Variants in ZNRF3 observed in about 807,000 individuals in gnomAD.
ZNRF3 encodes the protein zinc and ring finger 3.
In ZNRF3, 23 loss-of-function variants were observed where a neutral mutation model predicts 72.5. The observed-to-expected ratio is 0.32, with a 90% CI of 0.23 to 0.45. The LOEUF (loss-of-function observed/expected upper bound fraction) is 0.45. ZNRF3 is among the 20% of genes least tolerant of loss of function. The probability of loss-of-function intolerance (pLI) is 1.00; values close to 1 mark genes in which losing one functional copy is unlikely to be tolerated. For synonymous variants in ZNRF3, 610 were observed against 545.3 expected (o/e 1.12, Z -1.65); for missense variants, 1,169 against 1,272.1 (o/e 0.92, Z 1.23).
intron 3 of ZNRF3, 108 bp downstream of exon 3, chr22:29,042,677 C>G: frequency 1.0e-6 from 1 of 999,518 alleles, no homozygotes; most frequent in Non-Finnish European, 1.5e-6. Context: ...AGCATTTGCT[C>G]TTGTCTTCTG....
chr22:28,986,560 CTTT>C (rs2123827591), intron 1 of ZNRF3: 1 of 965,476 alleles, frequency 1.0e-6, no homozygotes, highest in South Asian at 4.8e-5. Context: ...CAGGGGTAGC[CTTT>C]AAACAGCCTG....
intron 2 of ZNRF3, among the ~76,000 whole-genome samples, chr22:28,995,791 T>C (rs908988476): frequency 2.0e-5 from 3 of 151,664 alleles, no homozygotes; most frequent in African/African-American, 4.8e-5. Flanking sequence ...TTTTTTTTTT[T>C]CCAAGACAGG....
chr22:28,904,091 AAAAATGCATTT>A (rs1252386517), intron 1 of ZNRF3, among the ~76,000 whole-genome samples: 1 of 152,176 alleles, frequency 6.6e-6, no homozygotes. Flanking sequence ...ACTGGAAAAA[AAAAATGCATTT>A]AAATAAGCAA....
At chr22:28,926,353 AT>A (rs929705602) in intron 1 of ZNRF3, among the ~76,000 whole-genome samples, 1 of 152,094 alleles carries the variant, frequency 6.6e-6, no homozygotes, top group East Asian at 1.9e-4. Context: ...TGATTGATTG[AT>A]TTTTTTAAAG....
intron 5 of ZNRF3, 48 bp from the exon 6 acceptor site, chr22:29,046,668 A>G: frequency 1.3e-6 from 2 of 1,483,290 alleles, no homozygotes; most frequent in Non-Finnish European, 1.8e-6. Flanking sequence ...GGTGACTGCC[A>G]CTTTCATACG....
rs940878247 is a variant in ZNRF3, at chr22:29,030,831, G to C, written c.427-11664G>C. Among the ~76,000 whole-genome samples, 1 of 152,170 alleles carries C rather than the reference G, an allele frequency of 6.6e-6. No homozygotes were observed. Among genetic ancestry groups the C allele is most frequent in the Non-Finnish European group, 1.5e-5 (1 of 68,024 alleles). ...CTGGCGCGGGGAGGAGCCGCGGGAG[G>C]GGGGATGTTGGCCGCAGGGCCTCGG... On this transcript the variant is annotated intron_variant, in intron 2 of 8. Transcript: ENST00000544604. The surrounding 1 kb of genome is among the most constrained non-coding windows in gnomAD (Gnocchi z 4.2).
rs924876970 is a variant in ZNRF3 at position 29,014,206 on chromosome 22, A to T, written c.426+27005A>T. 2.0e-5 allele frequency among the ~76,000 whole-genome samples: 3 copies of T among 152,146 alleles called. No homozygotes were observed. In the East Asian group the frequency reaches 5.8e-4, roughly 29 times the overall value. On this transcript the variant is annotated intron_variant, in intron 2 of 8. Coordinates refer to ENST00000544604, the MANE Select transcript of ZNRF3 (RefSeq NM_001206998.2). Reference sequence around the variant, plus strand: ...CAGCCAAAATCTTGTCCTCAGGAAGAGCTGAGACATGTTACTCTAATTATC... The same window carrying T: ...CAGCCAAAATCTTGTCCTCAGGAAGTGCTGAGACATGTTACTCTAATTATC...
chr22:28,897,236 T>G (rs2123749102), intron 1 of ZNRF3, among the ~76,000 whole-genome samples: 1 of 152,360 alleles, frequency 6.6e-6, no homozygotes, highest in East Asian at 1.9e-4. Context: ...CTCTCATTGT[T>G]GCCTCCGGGC....
At chr22:28,926,730 C>T (rs1290329075) in intron 1 of ZNRF3, among the ~76,000 whole-genome samples, 2 of 145,120 alleles carry the variant, frequency 1.4e-5, no homozygotes, top group African/African-American at 5.2e-5. Flanking sequence ...ACCTGGGAGG[C>T]GGAGGTTACA....
chr22:29,002,311 T>C (rs942156362), intron 2 of ZNRF3, among the ~76,000 whole-genome samples: 1 of 152,234 alleles, frequency 6.6e-6, no homozygotes, highest in African/African-American at 2.4e-5. Flanking sequence ...TGAATGTACA[T>C]GCTGCTGCTG....
chr22:28,893,012 A>G (rs973851474), intron 1 of ZNRF3, among the ~76,000 whole-genome samples: 1 of 152,010 alleles, frequency 6.6e-6, no homozygotes, highest in Non-Finnish European at 1.5e-5. Flanking sequence ...CTAAAGATAC[A>G]AAAAATTAGC....
At chr22:28,900,821 T>A (rs918982345) in intron 1 of ZNRF3, among the ~76,000 whole-genome samples, 1 of 152,130 alleles carries the variant, frequency 6.6e-6, no homozygotes, top group African/African-American at 2.4e-5. Flanking sequence ...TATTTAACAT[T>A]TTTCAGCTGG....
intron 1 of ZNRF3, among the ~76,000 whole-genome samples, chr22:28,925,387 G>T (rs1008402242): frequency 2.6e-5 from 4 of 152,206 alleles, no homozygotes; most frequent in African/African-American, 4.8e-5. Context: ...CAGCTAAAAA[G>T]CTGGTGTCAT....
At chr22:29,014,798 GC>G (rs1031749123) in intron 2 of ZNRF3, among the ~76,000 whole-genome samples, 2 of 152,200 alleles carry the variant, frequency 1.3e-5, no homozygotes, top group African/African-American at 4.8e-5. Flanking sequence ...AACAAACAGG[GC>G]AACTGCAGAT....
intron 1 of ZNRF3, among the ~76,000 whole-genome samples, chr22:28,976,891 G>A: frequency 6.6e-6 from 1 of 152,288 alleles, no homozygotes; most frequent in Admixed American, 6.5e-5. Flanking sequence ...TTTGAAACTA[G>A]CAACAGCCAT....
Position 29,050,044 on chromosome 22 carries a change from C to T in ZNRF3, c.1863C>T (p.Ala621=). 1.2e-6 allele frequency: 2 copies of T among 1,609,118 alleles called. No homozygotes were observed. Among genetic ancestry groups the T allele is most frequent in the Middle Eastern group, 3.3e-4 (2 of 6,050 alleles). The part of the protein sequence containing the change: ...GGSGSSGRGP[A]LCFEGSPPPE... ...CGGGCAGCTCGGGCCGGGGACCTGC[C>T]CTGTGCTTCGAGGGCTCCCCGCCTC... Residue 621 remains alanine, a synonymous_variant, in exon 8 of 9, where the codon GCC becomes GCT. Transcript: ENST00000544604.
At chr22:29,001,151 C>T (rs1439682065) in intron 2 of ZNRF3, among the ~76,000 whole-genome samples, 2 of 139,720 alleles carry the variant, frequency 1.4e-5, no homozygotes, top group Non-Finnish European at 3.0e-5. Context: ...TCACTGCAAG[C>T]TCCGCCTCCT....
intron 2 of ZNRF3, among the ~76,000 whole-genome samples, chr22:28,995,435 AAAG>A (rs1040642100): frequency 2.0e-5 from 3 of 152,240 alleles, no homozygotes; most frequent in Admixed American, 6.5e-5. Flanking sequence ...CTCAAAAAAA[AAAG>A]AAGAAATCCA....
At chr22:28,993,667 A>G (rs1753966602) in intron 2 of ZNRF3, among the ~76,000 whole-genome samples, 1 of 152,150 alleles carries the variant, frequency 6.6e-6, no homozygotes, top group Non-Finnish European at 1.5e-5. Context: ...CATCATACTA[A>G]CACAGGTTTC....
Sources: gnomAD v4.1 joint callset for allele counts (sites outside exome capture counted in the v4.1 genomes callset) on GRCh38, gnomAD v4.1.1 for gene constraint, Gnocchi (gnomAD v3.1) non-coding constraint, MANE v1.5 for transcripts, NCBI Gene and HGNC (gene_info 2026-07-23, HGNC 2026-07-21) for gene names.